HERC5: variants seen among roughly 807,000 people sequenced by gnomAD.
HERC5 encodes the protein E3 ISG15--protein ligase HERC5.
Under a neutral mutation model 119.6 loss-of-function variants are expected in HERC5, and 99 were observed. That is an observed-to-expected ratio of 0.83 (90% confidence interval 0.70 to 0.98). The LOEUF is 0.98. HERC5 is among the 50% of genes least tolerant of loss of function. The pLI is 0.00. For missense variants in HERC5, 1,267 were observed against 1,241.3 expected, an observed-to-expected ratio of 1.02 and a Z score of -0.31; for synonymous variants, 478 against 445.9, an observed-to-expected ratio of 1.07 and a Z score of -0.91.
rs770001081 is a variant in HERC5 at position 88,486,157 on chromosome 4, G to A, written c.1780G>A (p.Val594Ile). 1.2e-6 allele frequency: 2 copies of A among 1,612,332 alleles called. No individual in the cohort carries two copies. The highest frequency in any genetic ancestry group is 3.3e-5 in the Admixed American group (2 of 59,880). The change falls in exon 14 of 23, where the codon GTA (valine) becomes ATA (isoleucine). Residue 594 changes from valine (V) to isoleucine (I), a missense_variant. By Grantham distance (29) the Val-to-Ile change is conservative. This residue lies in a region of HERC5 where 777 missense variants were observed against 758.0 expected (regional missense o/e 1.03). Transcript: ENST00000264350. The part of the protein sequence containing the change: ...KCQLPESIFQ[V>I]DELLHRLNFF... ...TCAACTACCTGAAAGTATTTTCCAA[G>A]TAGACGAACTCTTGCACCGTCTCAA...
chr4:88,501,391 T>G (rs1578069516), intron 20 of HERC5, among the ~76,000 whole-genome samples: 1 of 152,348 alleles, frequency 6.6e-6, no homozygotes, highest in Non-Finnish European at 1.5e-5. Context: ...ATTCAGTACC[T>G]AGAGTAGTCT....
intron 20 of HERC5, among the ~76,000 whole-genome samples, chr4:88,501,892 G>A (rs1226259187): frequency 3.3e-5 from 5 of 152,106 alleles, no homozygotes; most frequent in Non-Finnish European, 5.9e-5. Context: ...TCCGCCTCCC[G>A]GGTTCAAGCG....
intron 18 of HERC5, among the ~76,000 whole-genome samples, chr4:88,496,556 A>G (rs1741800160): frequency 6.6e-6 from 1 of 152,232 alleles, no homozygotes; most frequent in South Asian, 2.1e-4. Flanking sequence ...GTACTACTCA[A>G]TAAATGGAAC....
At chr4:88,502,722 T>TG (rs932136762) in intron 20 of HERC5, among the ~76,000 whole-genome samples, 5 of 152,232 alleles carry the variant, frequency 3.3e-5, no homozygotes, top group Non-Finnish European at 7.3e-5. Context: ...GCCATTCTGG[T>TG]GGGTATATAG....
chr4:88,494,131 C>T, intron 17 of HERC5, 34 bp from the exon 18 acceptor site: 1 of 1,422,854 alleles, frequency 7.0e-7, no homozygotes, highest in Non-Finnish European at 9.8e-7. Context: ...GGTAAAAACT[C>T]ATAATACTTT....
chr4:88,485,770 T>C (rs546683661), intron 13 of HERC5, among the ~76,000 whole-genome samples: 3 of 152,150 alleles, frequency 2.0e-5, no homozygotes, highest in South Asian at 2.1e-4. Flanking sequence ...AAGTGGTATA[T>C]TATTAAGTCC....
chr4:88,464,061 C>A, intron 6 of HERC5, 76 bp downstream of exon 6: 1 of 1,329,090 alleles, frequency 7.5e-7, no homozygotes, highest in Non-Finnish European at 1.0e-6. Flanking sequence ...AAATTTCTTT[C>A]AGTTTCTTTG....
At chr4:88,484,063 C>G (rs940336623) in intron 13 of HERC5, among the ~76,000 whole-genome samples, 1 of 152,162 alleles carries the variant, frequency 6.6e-6, no homozygotes, top group African/African-American at 2.4e-5. Context: ...GCCCTATCTT[C>G]CAGTTCATGA....
At chr4:88,458,857 A>G (rs565718747) in intron 1 of HERC5, among the ~76,000 whole-genome samples, 3 of 152,338 alleles carry the variant, frequency 2.0e-5, no homozygotes, top group African/African-American at 7.2e-5. Context: ...TCCCCCAAAC[A>G]TAATCCTTCC....
intron 17 of HERC5, 49 bp from the exon 18 acceptor site, chr4:88,494,116 G>A (rs1207030654): frequency 1.7e-6 from 2 of 1,150,460 alleles, no homozygotes; most frequent in Non-Finnish European, 2.5e-6. Flanking sequence ...ATATTTCATT[G>A]TACTGGTAAA....
At chr4:88,463,771 T>A in intron 5 of HERC5, 84 bp from the exon 6 acceptor site, 1 of 1,492,300 alleles carries the variant, frequency 6.7e-7, no homozygotes, top group Non-Finnish European at 9.3e-7. Flanking sequence ...ACAGTGCTAT[T>A]TATTAGTGAT....
At chr4:88,486,516 A>G (rs1039251261) in intron 14 of HERC5, among the ~76,000 whole-genome samples, 4 of 152,218 alleles carry the variant, frequency 2.6e-5, no homozygotes, top group Non-Finnish European at 5.9e-5. Flanking sequence ...AGTGGTCATA[A>G]CAAGGCAGTG....
At position 88,464,580 on chromosome 4, in the gene HERC5, G is replaced by GT. The variant is rs1560598852; in HGVS notation, c.911+601dup. On this transcript the variant is annotated intron_variant, in intron 6 of 22. Transcript: ENST00000264350. The stretch of plus-strand genomic sequence containing the variant: ...GGTTTTCTTGTTTGTTTGTTTGTTT[G>GT]TTTTTTGGTTTTTGGTTTTTTTTTT... Among the ~76,000 whole-genome samples, 6 of 150,060 alleles carry GT rather than the reference G, an allele frequency of 4.0e-5. No individual in the cohort carries two copies. The South Asian group carries it at 8.4e-4, about 21-fold the overall frequency.
At chr4:88,504,738 A>C (rs555931135) in intron 22 of HERC5, 141 bp downstream of exon 22, 231 of 433,478 alleles carry the variant, frequency 5.3e-4, no homozygotes, top group Middle Eastern at 1.8e-3. Context: ...CTGTGTCCCA[A>C]CATCAAAAAA....
rs1460300756 is a variant in HERC5 at position 88,462,239 on chromosome 4, G to C, written c.571G>C (p.Val191Leu). The change falls in exon 4 of 23, where the codon GTA (valine) becomes CTA (leucine). Residue 191 changes from valine to leucine, a missense_variant. Val to Leu is a conservative substitution (Grantham distance 32). Coordinates refer to ENST00000264350, the MANE Select transcript of HERC5 (RefSeq NM_016323.4). ...TPQIVEHLAG[V>L]PLAQISAGEA... is the part of the protein sequence containing the mutation. ...ACAGATTGTGGAGCACCTCGCAGGA[G>C]TACCCTTGGCTCAGATTTCTGCCGG... The C allele has an allele frequency of 5.0e-6, 8 of 1,614,230 alleles. No homozygotes were observed. The highest frequency in any genetic ancestry group is 6.8e-6 in the Non-Finnish European group (8 of 1,180,044).
intron 15 of HERC5, among the ~76,000 whole-genome samples, chr4:88,488,523 G>A (rs957743508): frequency 2.0e-5 from 3 of 152,028 alleles, no homozygotes; most frequent in Non-Finnish European, 4.4e-5. Flanking sequence ...GTGAGCCACC[G>A]TGCCTGGCCC....
chr4:88,463,290 G>A (rs1740515647), intron 4 of HERC5, among the ~76,000 whole-genome samples: 1 of 152,248 alleles, frequency 6.6e-6, no homozygotes, highest in Non-Finnish European at 1.5e-5. Flanking sequence ...CTGAGAACAG[G>A]CTTTGGGAAG....
rs751206373 is a variant in HERC5, at chr4:88,493,204, A to G, written c.2277+49A>G. 88 of 1,534,136 alleles carry G rather than the reference A, an allele frequency of 5.7e-5. 1 individual carries two copies. The South Asian group carries it at 9.7e-4, about 17-fold the overall frequency. On this transcript the variant is annotated intron_variant, in intron 17 of 22. Transcript: ENST00000264350. ...AGGTATTTTGCGACAGAAAAAGTAC[A>G]CCATATACCATAGAAAATTAGTTTG...
At chr4:88,475,265 C>T (rs1250943139) in intron 11 of HERC5, among the ~76,000 whole-genome samples, 1 of 148,752 alleles carries the variant, frequency 6.7e-6, no homozygotes, top group African/African-American at 2.5e-5. Flanking sequence ...TTTATTAGTT[C>T]TGAATCTATT....
Sources: allele counts gnomAD v4.1 joint callset (sites outside exome capture counted in the v4.1 genomes callset), GRCh38; gene constraint gnomAD v4.1.1; regional missense constraint gnomAD v4.1.1; transcripts MANE v1.5; gene names NCBI Gene and HGNC (gene_info 2026-07-23, HGNC 2026-07-21).